KCNN1: variants seen among roughly 807,000 people sequenced by gnomAD.
KCNN1 encodes potassium calcium-activated channel subfamily N member 1, also known as small conductance calcium-activated potassium channel protein 1.
KCNN1 carries 20 observed loss-of-function variants against 44.7 expected under a neutral mutation model. That is an observed-to-expected ratio of 0.45 (90% confidence interval 0.32 to 0.65). The LOEUF is 0.65. KCNN1 is among the 30% of genes least tolerant of loss of function. KCNN1 has a pLI of 0.05. For missense variants in KCNN1, 632 were observed against 785.3 expected (o/e 0.80, Z 2.33); for synonymous variants, 324 against 341.7 (o/e 0.95, Z 0.57).
In KCNN1 at chr19:17,967,286, C is replaced by A; in HGVS notation, c.-113C>A. 2 of 985,492 alleles carry A rather than the reference C, an allele frequency of 2.0e-6. No homozygotes were observed. Among genetic ancestry groups the A allele is most frequent in the Non-Finnish European group, 2.4e-6 (2 of 829,858 alleles). 61.0% of individuals were successfully genotyped at this position (985,492 alleles called of 1,614,324 possible). ...CCGCGCGGGACCCTCTCCCCTCCAG[C>A]CTTGTCCGCCCGCTCGGGCCGAGCC... On this transcript the variant is annotated 5_prime_UTR_variant, in exon 1 of 10. Coordinates refer to ENST00000684775, the MANE Select transcript of KCNN1 (RefSeq NM_001386974.1).
intron 3 of KCNN1, among the ~76,000 whole-genome samples, chr19:17,979,914 A>C (rs2032342082): frequency 6.6e-6 from 1 of 152,118 alleles, no homozygotes; most frequent in Admixed American, 6.6e-5. Context: ...GGAAGAGAAA[A>C]GTACAGTGAA....
intron 9 of KCNN1, among the ~76,000 whole-genome samples, chr19:17,996,992 C>G (rs1021221267): frequency 6.6e-6 from 1 of 152,198 alleles, no homozygotes. Context: ...CAGCTGCGCT[C>G]AGAGCCGTGG....
intron 9 of KCNN1, among the ~76,000 whole-genome samples, chr19:17,994,558 T>C (rs2032916391): frequency 6.6e-6 from 1 of 152,104 alleles, no homozygotes; most frequent in Non-Finnish European, 1.5e-5. Context: ...TTTATTTATT[T>C]TTTGAGACAG....
intron 4 of KCNN1, among the ~76,000 whole-genome samples, chr19:17,984,458 T>TG (rs1188639432): frequency 2.0e-5 from 3 of 152,070 alleles, no homozygotes; most frequent in African/African-American, 7.2e-5. Context: ...GAGGCTGGCT[T>TG]GGGGCTCAGG....
At chr19:17,982,933 G>C (rs1179651590) in intron 4 of KCNN1, among the ~76,000 whole-genome samples, 5 of 152,052 alleles carry the variant, frequency 3.3e-5, no homozygotes, top group Non-Finnish European at 7.4e-5. Flanking sequence ...CCAGCTACTC[G>C]GGAGCCTGAG....
chr19:17,960,959 G>A (rs1310124557), intron 2 of KCNN1, among the ~76,000 whole-genome samples: 2 of 151,922 alleles, frequency 1.3e-5, no homozygotes, highest in Non-Finnish European at 2.9e-5. Context: ...GCCAAAGCAG[G>A]TAGATCACTT....
At chr19:17,959,406 T>C (rs1284016082) in intron 2 of KCNN1, among the ~76,000 whole-genome samples, 1 of 151,462 alleles carries the variant, frequency 6.6e-6, no homozygotes, top group Non-Finnish European at 1.5e-5. Context: ...TACAGGCACC[T>C]GCCACCACGC....
intron 1 of KCNN1, among the ~76,000 whole-genome samples, chr19:17,954,077 A>G (rs1268318485): frequency 6.6e-6 from 1 of 152,214 alleles, no homozygotes; most frequent in East Asian, 1.9e-4. Flanking sequence ...GGGAGGGGAC[A>G]TGGAAGAGGT....
intron 2 of KCNN1, among the ~76,000 whole-genome samples, chr19:17,960,674 T>C (rs2031657084): frequency 6.6e-6 from 1 of 151,874 alleles, no homozygotes; most frequent in Non-Finnish European, 1.5e-5. Flanking sequence ...CAAAAAGTTG[T>C]GCTGTCACAG....
At position 17,988,459 on chromosome 19, in the gene KCNN1, G is replaced by A. The variant is rs1331351576; in HGVS notation, c.1104G>A (p.Lys368=). 3.1e-6 allele frequency: 5 copies of A among 1,613,628 alleles called. No individual in the cohort carries two copies. The highest frequency in any genetic ancestry group is 4.2e-6 in the Non-Finnish European group (5 of 1,179,914). The change falls in exon 6 of 10, where the codon AAG becomes AAA. Residue 368 remains lysine, a synonymous_variant. Transcript: ENST00000684775. ...TALVVAVVAR[K]LELTKAEKHV... ...TCGTGGTGGCTGTGGTGGCTCGGAA[G>A]CTGGAGCTCACCAAGGCTGAGAAGC...
intron 3 of KCNN1, 31 bp from the exon 4 acceptor site, chr19:17,981,677 AC>A: frequency 6.5e-7 from 1 of 1,540,772 alleles, no homozygotes; most frequent in Non-Finnish European, 8.8e-7. Flanking sequence ...CGTGTCTGAC[AC>A]CCATGGCTGG....
At chr19:17,955,130 C>A (rs529968344) in intron 2 of KCNN1, among the ~76,000 whole-genome samples, 1 of 149,074 alleles carries the variant, frequency 6.7e-6, no homozygotes, top group Non-Finnish European at 1.5e-5. Flanking sequence ...GTGGTCCTAG[C>A]TACTCGGAAG....
In KCNN1 at chr19:17,998,446, G is replaced by T; in HGVS notation, c.*40G>T. The stretch of plus-strand genomic sequence containing the variant: ...ACCAGACCCCTAAATCTTGGCCATC[G>T]TGTGGCCGCCACCTCCGGGAAGCCT... On this transcript the variant is annotated 3_prime_UTR_variant, in exon 10 of 10. Coordinates refer to ENST00000684775, the MANE Select transcript of KCNN1 (RefSeq NM_001386974.1). This position sits in a 1 kb window ranked among gnomAD's most constrained non-coding sequence, Gnocchi z 5.4. 6.9e-7 allele frequency: 1 copy of T among 1,450,804 alleles called. No individual in the cohort carries two copies. The highest frequency in any genetic ancestry group is 1.4e-5 in the African/African-American group (1 of 70,318). The allele number at this position is 1,450,804 out of a possible 1,614,324, so 89.9% of individuals were successfully genotyped here. A position where few individuals can be genotyped will look rare whatever the true frequency, so the allele number is the denominator to read the frequency against.
At chr19:17,970,911 T>G in intron 1 of KCNN1, among the ~76,000 whole-genome samples, 2 of 146,854 alleles carry the variant, frequency 1.4e-5, no homozygotes, top group African/African-American at 2.5e-5. Flanking sequence ...TGAGACAGAG[T>G]CTCACTCTGT....
chr19:17,989,401 T>A (rs2032711833), intron 6 of KCNN1, among the ~76,000 whole-genome samples: 1 of 152,124 alleles, frequency 6.6e-6, no homozygotes, highest in African/African-American at 2.4e-5. Context: ...GAGGTCGCAG[T>A]GAGGCAAGAT....
intron 4 of KCNN1, chr19:17,982,670 C>T (rs1047390046): frequency 1.0e-5 from 9 of 888,992 alleles, no homozygotes; most frequent in South Asian, 5.1e-5. Context: ...GATTAGCTGC[C>T]GCAAGGGGAG....
chr19:17,985,176 T>C, intron 4 of KCNN1, 136 bp from the exon 5 acceptor site: 1 of 780,926 alleles, frequency 1.3e-6, no homozygotes, highest in East Asian at 3.0e-5. Context: ...GCCTGTCCTG[T>C]ACCCACAGGA....
At position 17,999,034 on chromosome 19, in the gene KCNN1, G is replaced by A. The variant is rs1233041485; in HGVS notation, c.*628G>A. 6.6e-6 allele frequency: 1 copy of A among 152,334 alleles called. No homozygotes were observed. Among genetic ancestry groups the A allele is most frequent in the Non-Finnish European group, 1.5e-5 (1 of 68,118 alleles). The allele number at this position is 152,334 out of a possible 1,614,324, so 9.4% of individuals were successfully genotyped here. ...AGGCCCCAGCGGGGCCCATGGGGGA[G>A]GTGACCTGGGTGAGGAAGGTCATTT... is the stretch of plus-strand genomic sequence containing the variant. On this transcript the variant is annotated 3_prime_UTR_variant, in exon 10 of 10. Transcript: ENST00000684775.
chr19:17,997,879 C>T (rs534163403), intron 9 of KCNN1, among the ~76,000 whole-genome samples: 5 of 149,392 alleles, frequency 3.3e-5, no homozygotes, highest in South Asian at 4.2e-4. Context: ...GCATAGGTGA[C>T]GGAGGGAGTC....
Sources: allele counts gnomAD v4.1 joint callset (sites outside exome capture counted in the v4.1 genomes callset), GRCh38; gene constraint gnomAD v4.1.1; non-coding constraint Gnocchi (gnomAD v3.1); transcripts MANE v1.5; gene names NCBI Gene and HGNC (gene_info 2026-07-23, HGNC 2026-07-21).